Variants in NBEA observed in about 807,000 individuals in gnomAD.
NBEA encodes the protein lysosomal-trafficking regulator 2.
NBEA carries 44 observed loss-of-function variants against 343.4 expected under a neutral mutation model. That is an observed-to-expected ratio of 0.13 (90% CI 0.10 to 0.16). The LOEUF (loss-of-function observed/expected upper bound fraction) is 0.16, where lower values mean the gene tolerates loss of function less well. Among genes scored for constraint, NBEA ranks in the 10% least tolerant of loss-of-function variants. The pLI is 1.00. For missense variants in NBEA, 2,555 were observed against 3,631.3 expected (o/e 0.70, Z 7.62); for synonymous variants, 1,175 against 1,238.7 (o/e 0.95, Z 1.08).
chr13:35,129,239 A>T (rs2067287706), intron 17 of NBEA, among the ~76,000 whole-genome samples: 1 of 152,150 alleles, frequency 6.6e-6, no homozygotes, highest in Non-Finnish European at 1.5e-5. Context: ...AAAAGTGATG[A>T]GTGTAAAAAC....
chr13:35,035,348 G>C (rs2062399115), intron 1 of NBEA, among the ~76,000 whole-genome samples: 1 of 151,726 alleles, frequency 6.6e-6, no homozygotes, highest in African/African-American at 2.4e-5. Flanking sequence ...GATGTTTCTA[G>C]TTTTATTCCG....
chr13:35,498,524 A>C lies in NBEA; in HGVS notation c.6585+25988A>C, dbSNP rs565704846. On this transcript the variant is annotated intron_variant, in intron 41 of 58. Transcript: ENST00000379939. ...TATTAGAGGATGAAATGATTTTCTT[A>C]AAGCACTAGGAGAGTGGGGACTACA... Among the ~76,000 whole-genome samples, 4 of 152,162 alleles carry C rather than the reference A, an allele frequency of 2.6e-5. 1 individual carries two copies. In the South Asian group the frequency reaches 8.3e-4, roughly 32 times the overall value.
At chr13:35,072,899 A>G (rs557023858) in intron 10 of NBEA, among the ~76,000 whole-genome samples, 35 of 152,240 alleles carry the variant, frequency 2.3e-4, no homozygotes, top group African/African-American at 8.2e-4. Flanking sequence ...CATTACAAGA[A>G]TGATACTGCT....
intron 41 of NBEA, among the ~76,000 whole-genome samples, chr13:35,479,560 G>T (rs1200675428): frequency 4.6e-5 from 7 of 152,004 alleles, no homozygotes; most frequent in Admixed American, 4.6e-4. Context: ...TTTTAATCTA[G>T]GCTTGGGGGA....
At chr13:35,297,336 G>A (rs758990019) in intron 35 of NBEA, among the ~76,000 whole-genome samples, 1 of 151,810 alleles carries the variant, frequency 6.6e-6, no homozygotes, top group Non-Finnish European at 1.5e-5. Flanking sequence ...ATAAATATAG[G>A]TATCTGTTTA....
At chr13:35,348,871 T>A (rs1206812245) in intron 36 of NBEA, among the ~76,000 whole-genome samples, 2 of 152,064 alleles carry the variant, frequency 1.3e-5, no homozygotes, top group African/African-American at 4.8e-5. Flanking sequence ...CTTAATTGAA[T>A]TAACTGAATT....
intron 34 of NBEA, among the ~76,000 whole-genome samples, chr13:35,243,849 A>G (rs2030748229): frequency 6.6e-6 from 1 of 151,890 alleles, no homozygotes; most frequent in Non-Finnish European, 1.5e-5. Context: ...CAACCAGGTA[A>G]AAGGTGAATA....
At chr13:35,313,015 G>A (rs980577970) in intron 36 of NBEA, among the ~76,000 whole-genome samples, 4 of 152,214 alleles carry the variant, frequency 2.6e-5, no homozygotes, top group African/African-American at 7.2e-5. Context: ...CAGGTTATTC[G>A]TGGTAAACTG....
At chr13:35,361,386 G>A (rs571371131) in intron 38 of NBEA, among the ~76,000 whole-genome samples, 29 of 152,162 alleles carry the variant, frequency 1.9e-4, no homozygotes, top group African/African-American at 4.8e-4. Flanking sequence ...ATGCAGAAGC[G>A]TTCTTTGTTT....
chr13:35,319,754 G>T (rs2038006717), intron 36 of NBEA, among the ~76,000 whole-genome samples: 1 of 152,100 alleles, frequency 6.6e-6, no homozygotes, highest in Admixed American at 6.5e-5. Flanking sequence ...CTAAGAACTT[G>T]CTTTATGAAT....
intron 30 of NBEA, chr13:35,186,048 A>G (rs2071680683): frequency 6.6e-6 from 1 of 152,160 alleles, no homozygotes; most frequent in Admixed American, 6.6e-5. Flanking sequence ...GCATGCCTAT[A>G]ATCCCAGCAC....
At chr13:35,210,993 A>C in intron 32 of NBEA, 60 bp from the exon 33 acceptor site, 1 of 1,489,156 alleles carries the variant, frequency 6.7e-7, no homozygotes, top group East Asian at 2.5e-5. Flanking sequence ...GTAATGGTGT[A>C]ATTAAAATTT....
intron 41 of NBEA, among the ~76,000 whole-genome samples, chr13:35,500,576 C>G (rs1305455440): frequency 1.3e-5 from 2 of 152,052 alleles, no homozygotes; most frequent in African/African-American, 2.4e-5. Flanking sequence ...CTACTCTTTT[C>G]TCTTCTGGTA....
intron 36 of NBEA, among the ~76,000 whole-genome samples, chr13:35,324,301 A>G (rs1422638721): frequency 6.6e-6 from 1 of 152,252 alleles, no homozygotes; most frequent in East Asian, 1.9e-4. Flanking sequence ...GGAGAATTAG[A>G]ATATTGAGTT....
At chr13:35,341,714 A>G (rs1310314756) in intron 36 of NBEA, among the ~76,000 whole-genome samples, 1 of 152,034 alleles carries the variant, frequency 6.6e-6, no homozygotes, top group Non-Finnish European at 1.5e-5. Context: ...TAATGTTTAA[A>G]ACAGACAACA....
rs147335519 is a variant in NBEA at position 35,060,671 on chromosome 13, G to T, written c.1239+1808G>T. On this transcript the variant is annotated intron_variant, in intron 8 of 58. Coordinates refer to ENST00000379939, the MANE Select transcript of NBEA (RefSeq NM_001385012.1). The stretch of plus-strand genomic sequence containing the variant: ...ATTTGTAAATATTATAAATACAGTT[G>T]CTACCATGACAGGCATCAGCAAAAA... Among the ~76,000 whole-genome samples, 700 of 151,562 alleles carry T rather than the reference G, an allele frequency of 4.6e-3. 2 individuals are homozygous for T. The highest frequency in any genetic ancestry group is 7.9e-3 in the Non-Finnish European group (534 of 67,680).
chr13:35,543,967 C>A lies in NBEA; in HGVS notation c.6586-6510C>A, dbSNP rs150841207. On this transcript the variant is annotated intron_variant, in intron 41 of 58. Coordinates refer to ENST00000379939, the MANE Select transcript of NBEA (RefSeq NM_001385012.1). ...GGGCCTTGGAATCTTCTCCATTCAG[C>A]TGACAGTTTAAAAAGAGCATGGATG... is the stretch of plus-strand genomic sequence containing the variant. 1.9e-3 allele frequency among the ~76,000 whole-genome samples: 292 copies of A among 152,278 alleles called. 2 individuals are homozygous for A. The highest frequency in any genetic ancestry group is 6.7e-3 in the African/African-American group (280 of 41,564).
At chr13:35,652,573 G>A (rs749820473) in intron 53 of NBEA, among the ~76,000 whole-genome samples, 33 of 148,878 alleles carry the variant, frequency 2.2e-4, no homozygotes, top group Admixed American at 8.0e-4. Context: ...CCTGGGAGGC[G>A]GAGCTTGCAG....
At chr13:35,541,104 A>G (rs1195936361) in intron 41 of NBEA, among the ~76,000 whole-genome samples, 1 of 151,696 alleles carries the variant, frequency 6.6e-6, no homozygotes, top group East Asian at 1.9e-4. Context: ...CCTGCTGCCC[A>G]CTCACCCTTT....
Sources: gnomAD v4.1 joint callset for allele counts (sites outside exome capture counted in the v4.1 genomes callset) on GRCh38, gnomAD v4.1.1 for gene constraint, MANE v1.5 for transcripts, NCBI Gene and HGNC (gene_info 2026-07-23, HGNC 2026-07-21) for gene names.